OPRM1: variants seen among roughly 807,000 people sequenced by gnomAD.
The protein encoded by OPRM1 is mu-type opioid receptor.
A neutral mutation model predicts 31.8 loss-of-function variants in OPRM1; 27 were observed. The observed-to-expected ratio is 0.85, with a 90% CI of 0.63 to 1.17. The LOEUF is 1.17. OPRM1 is among the 50% of genes most tolerant of loss of function. OPRM1 has a pLI of 0.00. For synonymous variants in OPRM1, 196 were observed against 189.9 expected (o/e 1.03, Z -0.26); for missense variants, 536 against 511.1 (o/e 1.05, Z -0.47).
chr6:154,166,676 T>C (rs1799460743), intron 3 of OPRM1, among the ~76,000 whole-genome samples: 1 of 152,204 alleles, frequency 6.6e-6, no homozygotes, highest in South Asian at 2.1e-4. Flanking sequence ...GTCCATTCAA[T>C]GGTCCCAGTC....
At chr6:154,138,806 T>C (rs987849963) in intron 3 of OPRM1, among the ~76,000 whole-genome samples, 3 of 152,238 alleles carry the variant, frequency 2.0e-5, no homozygotes, top group East Asian at 1.9e-4. Flanking sequence ...AATTATAGTT[T>C]AGGAGTCACG....
chr6:154,218,215 G>T (rs1300724314), intron 3 of OPRM1, among the ~76,000 whole-genome samples: 2 of 152,158 alleles, frequency 1.3e-5, no homozygotes, highest in Admixed American at 1.3e-4. Flanking sequence ...ATATTAACTT[G>T]ACGTGAATGT....
chr6:154,133,184 T>C (rs1797974223), downstream of OPRM1, among the ~76,000 whole-genome samples: 1 of 152,004 alleles, frequency 6.6e-6, no homozygotes, highest in Non-Finnish European at 1.5e-5. Context: ...TTAGATTGCC[T>C]ATTGAAAAGA....
chr6:154,030,090 T>C (rs764123337), intron 1 of OPRM1, among the ~76,000 whole-genome samples: 8 of 144,176 alleles, frequency 5.5e-5, no homozygotes, highest in Non-Finnish European at 1.0e-4. Flanking sequence ...ATTAGCAGCC[T>C]GAGAATGGAC....
intron 3 of OPRM1, among the ~76,000 whole-genome samples, chr6:154,106,166 G>GA (rs1400122375): frequency 1.3e-5 from 2 of 152,090 alleles, no homozygotes; most frequent in Admixed American, 6.5e-5. Context: ...ACTTTAAGCA[G>GA]AAAAAATTCA....
chr6:154,225,680 G>A (rs1274149178), intron 3 of OPRM1, among the ~76,000 whole-genome samples: 1 of 152,192 alleles, frequency 6.6e-6, no homozygotes, highest in Non-Finnish European at 1.5e-5. Context: ...TGAGGGGGTT[G>A]CACAACATTG....
chr6:154,204,942 G>C (rs1346666120), intron 3 of OPRM1, among the ~76,000 whole-genome samples: 7 of 152,116 alleles, frequency 4.6e-5, no homozygotes, highest in Admixed American at 4.6e-4. Flanking sequence ...AGCCACACTG[G>C]CCTTCTTTCT....
chr6:154,177,563 G>A (rs1237352322), intron 3 of OPRM1, among the ~76,000 whole-genome samples: 2 of 152,236 alleles, frequency 1.3e-5, no homozygotes, highest in Admixed American at 6.5e-5. Context: ...GGTCATCAGA[G>A]AAATGCAAAT....
Position 154,160,817 on chromosome 6 carries a change from C to T in OPRM1, c.1164+69345C>T, listed in dbSNP as rs532574824. Among the ~76,000 whole-genome samples the T allele has an allele frequency of 5.9e-5, 9 of 152,310 alleles. 1 individual carries two copies. The South Asian group carries it at 1.9e-3, about 32-fold the overall frequency. On this transcript the variant is annotated intron_variant, in intron 3 of 3. Coordinates refer to the OPRM1 transcript ENST00000337049. ...GTTTTCTCCATCCCATGACCATAAT[C>T]CTAAGGTTGGATATCCAGTTCAATA...
At chr6:154,072,196 T>C (rs537251269) in intron 1 of OPRM1, among the ~76,000 whole-genome samples, 13 of 152,286 alleles carry the variant, frequency 8.5e-5, no homozygotes, top group Admixed American at 3.3e-4. Context: ...CCTAAGAATG[T>C]GAGATGATCA....
chr6:154,109,613 T>C (rs1031846866), intron 3 of OPRM1, among the ~76,000 whole-genome samples: 1 of 152,198 alleles, frequency 6.6e-6, no homozygotes, highest in South Asian at 2.1e-4. Flanking sequence ...ACCAGCTTCT[T>C]GTAGAACACT....
rs777534510 is a variant in OPRM1 at position 154,091,158 on chromosome 6, G to GT, written c.851dup (p.Leu285AlafsTer21). Reference sequence around the variant, plus strand: ...GAATCTTCGAAGGATCACCAGGATGGTGCTGGTGGTGGTGGCTGTGTTCAT... The same window carrying GT: ...GAATCTTCGAAGGATCACCAGGATGGTTGCTGGTGGTGGTGGCTGTGTTCAT... On this transcript the variant is annotated frameshift_variant, in exon 3 of 4. Transcript: ENST00000330432. LOFTEE classifies it high-confidence loss of function. 5.6e-6 allele frequency: 9 copies of GT among 1,614,130 alleles called. No homozygotes were observed. The Admixed American group carries it at 8.3e-5, about 15-fold the overall frequency.
Position 154,168,327 on chromosome 6 carries a change from G to A in OPRM1, c.1164+76855G>A, listed in dbSNP as rs999996939. ...CCACGTTCCCTGTGAAGGCACCAGG[G>A]AAGGAGTTATTCCAAGCCTCTCTCC... On this transcript the variant is annotated intron_variant, in intron 3 of 3. Coordinates refer to the OPRM1 transcript ENST00000337049. This position sits in a 1 kb window ranked among gnomAD's most constrained non-coding sequence, Gnocchi z 4.1. Among the ~76,000 whole-genome samples, 1 of 152,136 alleles carries A rather than the reference G, an allele frequency of 6.6e-6. No individual in the cohort carries two copies. Among genetic ancestry groups the A allele is most frequent in the African/African-American group, 2.4e-5 (1 of 41,430 alleles).
chr6:154,180,694 T>C (rs962118138), intron 3 of OPRM1, among the ~76,000 whole-genome samples: 1 of 152,174 alleles, frequency 6.6e-6, no homozygotes, highest in Non-Finnish European at 1.5e-5. Flanking sequence ...TTTTGGTCTT[T>C]CCTTGTGCTT....
At chr6:154,213,254 G>A (rs1339511390) in intron 3 of OPRM1, 1 of 192,374 alleles carries the variant, frequency 5.2e-6, no homozygotes, top group Non-Finnish European at 1.1e-5. Context: ...GTGAAGGGGA[G>A]TCTCTGGCTG....
In OPRM1 at chr6:154,193,816, C is replaced by T. The variant is rs746374777; in HGVS notation, c.1165-52877C>T. ...ATTAATTTAGAAATGACCCCAGCATCAAACATGACAATACTCCCTATTTTT... is the reference window on the plus strand; with the variant it reads ...ATTAATTTAGAAATGACCCCAGCATTAAACATGACAATACTCCCTATTTTT... On this transcript the variant is annotated intron_variant, in intron 3 of 3. Coordinates refer to the OPRM1 transcript ENST00000337049. Among the ~76,000 whole-genome samples, 92 of 152,344 alleles carry T rather than the reference C, an allele frequency of 6.0e-4. 1 individual carries two copies. The highest frequency in any genetic ancestry group is 1.2e-3 in the Non-Finnish European group (81 of 68,028).
chr6:154,086,783 T>C, intron 1 of OPRM1: 1 of 985,430 alleles, frequency 1.0e-6, no homozygotes, highest in Non-Finnish European at 1.2e-6. Context: ...GGTAGGAAAG[T>C]GGCAAATGCA....
chr6:154,154,925 A>T (rs1798651900), intron 3 of OPRM1: 1 of 152,562 alleles, frequency 6.6e-6, no homozygotes. Context: ...ATGCAAGCAC[A>T]TTAAAATATA....
At position 154,039,488 on chromosome 6, in the gene OPRM1, A is replaced by C. The variant is rs747870550; in HGVS notation, c.-57A>C. ...AGCGGCTGAGGCGCTTGGAACCCGA[A>C]AAGTCTCGGTGCTCCTGGCTACCTC... On this transcript the variant is annotated 5_prime_UTR_variant, in exon 1 of 4. Coordinates refer to ENST00000330432, the MANE Select transcript of OPRM1 (RefSeq NM_000914.5). 1 of 1,564,874 alleles carries C rather than the reference A, an allele frequency of 6.4e-7. No homozygotes were observed. The highest frequency in any genetic ancestry group is 8.7e-7 in the Non-Finnish European group (1 of 1,154,502).
Sources: allele counts gnomAD v4.1 joint callset (sites outside exome capture counted in the v4.1 genomes callset), GRCh38; gene constraint gnomAD v4.1.1; non-coding constraint Gnocchi (gnomAD v3.1); transcripts MANE v1.5; gene names NCBI Gene and HGNC (gene_info 2026-07-23, HGNC 2026-07-21).